Variants in FSTL5 observed in about 807,000 individuals in gnomAD.
The protein encoded by FSTL5 is follistatin like 5.
In FSTL5, 62 loss-of-function variants were observed where a neutral mutation model predicts 89.1. The ratio of observed to expected loss-of-function variants is 0.70; its 90% CI spans 0.57 to 0.86. FSTL5 has a LOEUF of 0.86. FSTL5 is among the 40% of genes least tolerant of loss of function. The pLI is 0.00. For missense variants in FSTL5, 1,057 were observed against 1,001.6 expected (o/e 1.06, Z -0.75); for synonymous variants, 383 against 346.2 (o/e 1.11, Z -1.18).
Position 161,869,237 on chromosome 4 carries a change from G to A in FSTL5, c.409+51167C>T, listed in dbSNP as rs1224360320. ...AAGAAATAAATAATGCATATCTCAG[G>A]GAACATCTATGAGAAAAAATGTAGT... On this transcript the variant is annotated intron_variant, in intron 4 of 15. Transcript: ENST00000306100. Among the ~76,000 whole-genome samples the A allele has an allele frequency of 9.2e-5, 14 of 152,108 alleles. No homozygotes were observed. The South Asian group carries it at 2.5e-3, about 27-fold the overall frequency.
intron 3 of FSTL5, among the ~76,000 whole-genome samples, chr4:161,942,577 T>C (rs917033859): frequency 1.8e-4 from 27 of 151,922 alleles, no homozygotes; most frequent in Non-Finnish European, 4.0e-4. Flanking sequence ...CTACCAATTA[T>C]GAGGAAGAAT....
intron 3 of FSTL5, among the ~76,000 whole-genome samples, chr4:161,965,743 G>C (rs1270373400): frequency 6.6e-6 from 1 of 152,076 alleles, no homozygotes; most frequent in Non-Finnish European, 1.5e-5. Context: ...TGTTCATGCT[G>C]TGCTGGGCTG....
chr4:162,013,546 A>C (rs558482693), intron 3 of FSTL5, among the ~76,000 whole-genome samples: 20 of 152,290 alleles, frequency 1.3e-4, no homozygotes, highest in African/African-American at 4.6e-4. Flanking sequence ...CTGAGAGTAG[A>C]ATTTGGGAAG....
intron 13 of FSTL5, 96 bp from the exon 14 acceptor site, chr4:161,459,415 T>A: frequency 2.9e-6 from 2 of 686,236 alleles, no homozygotes; most frequent in Non-Finnish European, 4.9e-6. Flanking sequence ...GATGTCAGAT[T>A]AAAAATTTAA....
At chr4:161,557,502 A>T (rs1408645286) in intron 8 of FSTL5, among the ~76,000 whole-genome samples, 1 of 151,672 alleles carries the variant, frequency 6.6e-6, no homozygotes, top group Non-Finnish European at 1.5e-5. Flanking sequence ...TTGGGAGAAT[A>T]AATTGCTACA....
chr4:161,477,225 A>G (rs1018277282), intron 13 of FSTL5, among the ~76,000 whole-genome samples: 1 of 151,300 alleles, frequency 6.6e-6, no homozygotes, highest in African/African-American at 2.4e-5. Context: ...ATTTGCTACC[A>G]TCTCATAGTA....
In FSTL5 at chr4:161,424,981, A is replaced by G. The variant is rs118148924; in HGVS notation, c.1841+30023T>C. The stretch of plus-strand genomic sequence containing the variant: ...TCTGTTTTCTTGTTCCCACCTTACA[A>G]AATTCACTGTTTTGCCATTGCCCAG... On this transcript the variant is annotated intron_variant, in intron 15 of 15. Coordinates refer to ENST00000306100, the MANE Select transcript of FSTL5 (RefSeq NM_020116.5). Among the ~76,000 whole-genome samples, 65 of 152,322 alleles carry G rather than the reference A, an allele frequency of 4.3e-4. No individual in the cohort carries two copies. The East Asian group carries it at 8.3e-3, about 19-fold the overall frequency.
intron 15 of FSTL5, among the ~76,000 whole-genome samples, chr4:161,421,190 C>T (rs961360196): frequency 1.3e-5 from 2 of 151,706 alleles, no homozygotes; most frequent in African/African-American, 4.8e-5. Context: ...AATACAAAAA[C>T]ATTAGCCGGG....
At chr4:161,641,198 A>G (rs1484518664) in intron 7 of FSTL5, among the ~76,000 whole-genome samples, 1 of 152,192 alleles carries the variant, frequency 6.6e-6, no homozygotes, top group African/African-American at 2.4e-5. Context: ...ACTGAAAGCT[A>G]TATAAAGAAA....
intron 6 of FSTL5, among the ~76,000 whole-genome samples, chr4:161,721,263 C>T (rs1739199865): frequency 8.6e-6 from 1 of 116,228 alleles, no homozygotes; most frequent in South Asian, 2.7e-4. Context: ...CCGGCCTGGG[C>T]GACAGAGCGA....
At chr4:161,918,662 T>A (rs76358415) in intron 4 of FSTL5, among the ~76,000 whole-genome samples, 1 of 152,034 alleles carries the variant, frequency 6.6e-6, no homozygotes, top group African/African-American at 2.4e-5. Flanking sequence ...TTTATTTTTT[T>A]GAGACGGGGT....
At chr4:161,802,288 C>G (rs1729822737) in intron 4 of FSTL5, among the ~76,000 whole-genome samples, 1 of 151,668 alleles carries the variant, frequency 6.6e-6, no homozygotes, top group Admixed American at 6.6e-5. Flanking sequence ...ATTATAACCA[C>G]TCTAAGCATT....
At chr4:162,008,285 T>C (rs2170730) in intron 3 of FSTL5, among the ~76,000 whole-genome samples, 151,471 of 151,788 alleles carry the variant, frequency 1, 75,577 homozygotes, top group Non-Finnish European at 1. Flanking sequence ...AGGTGTTCTA[T>C]ATAGTTATAA....
intron 4 of FSTL5, among the ~76,000 whole-genome samples, chr4:161,902,378 T>A (rs1461951062): frequency 6.6e-6 from 1 of 152,180 alleles, no homozygotes; most frequent in East Asian, 1.9e-4. Context: ...TGTTTAGTTT[T>A]GTAAAATACA....
intron 12 of FSTL5, chr4:161,495,185 A>G (rs566969736): frequency 7.9e-5 from 12 of 152,322 alleles, no homozygotes; most frequent in Admixed American, 2.0e-4. Context: ...CCATTAAATA[A>G]TAAGTAATAC....
At chr4:161,457,697 T>G (rs1733408873) in intron 14 of FSTL5, among the ~76,000 whole-genome samples, 1 of 152,100 alleles carries the variant, frequency 6.6e-6, no homozygotes, top group Admixed American at 6.6e-5. Flanking sequence ...ATCTTAAAGT[T>G]AATAGAGTAT....
At chr4:161,577,792 C>T (rs1318005649) in intron 8 of FSTL5, among the ~76,000 whole-genome samples, 2 of 152,072 alleles carry the variant, frequency 1.3e-5, no homozygotes, top group Admixed American at 6.6e-5. Context: ...AGGGAGCTTA[C>T]ATTTAAAAGC....
intron 1 of FSTL5, among the ~76,000 whole-genome samples, chr4:162,128,154 GAT>G (rs1227783182): frequency 6.6e-6 from 1 of 152,164 alleles, no homozygotes; most frequent in Non-Finnish European, 1.5e-5. Flanking sequence ...GAATCAGCAT[GAT>G]GAACTAAACT....
At chr4:162,053,918 G>A (rs1194403741) in intron 2 of FSTL5, among the ~76,000 whole-genome samples, 1 of 151,342 alleles carries the variant, frequency 6.6e-6, no homozygotes, top group East Asian at 1.9e-4. Context: ...ATTTTTTCCA[G>A]AGGAAAAAAA....
Sources: gnomAD v4.1 joint callset for allele counts (sites outside exome capture counted in the v4.1 genomes callset) on GRCh38, gnomAD v4.1.1 for gene constraint, MANE v1.5 for transcripts, NCBI Gene and HGNC (gene_info 2026-07-23, HGNC 2026-07-21) for gene names.